The following RNGTT variants were observed in gnomAD, a reference collection of about 807,000 sequenced individuals.
The protein encoded by RNGTT is RNA guanylyltransferase and 5'-phosphatase.
A neutral mutation model predicts 79.3 loss-of-function variants in RNGTT; 33 were observed. That is an observed-to-expected ratio of 0.42 (90% CI 0.32 to 0.56). The LOEUF (loss-of-function observed/expected upper bound fraction) is 0.56. Among genes scored for constraint, RNGTT ranks in the 20% least tolerant of loss-of-function variants. The pLI, the probability that RNGTT is intolerant of heterozygous loss-of-function variation, is 0.17. For missense variants in RNGTT, 497 were observed against 739.1 expected (o/e 0.67, Z 3.80); for synonymous variants, 222 against 235.9 (o/e 0.94, Z 0.54).
At chr6:88,896,721 C>T (rs529829194) in intron 6 of RNGTT, among the ~76,000 whole-genome samples, 18 of 152,228 alleles carry the variant, frequency 1.2e-4, no homozygotes, top group African/African-American at 4.3e-4. Flanking sequence ...TTATTTTCTG[C>T]TGTTTACAGT....
intron 13 of RNGTT, among the ~76,000 whole-genome samples, chr6:88,735,462 T>C (rs537196116): frequency 6.6e-6 from 1 of 152,020 alleles, no homozygotes; most frequent in South Asian, 2.1e-4. Flanking sequence ...TTAAGGTTTT[T>C]TTCAGATGAT....
At chr6:88,802,450 T>C (rs1454690378) in intron 11 of RNGTT, among the ~76,000 whole-genome samples, 1 of 152,222 alleles carries the variant, frequency 6.6e-6, no homozygotes, top group African/African-American at 2.4e-5. Context: ...CAGATTTTTA[T>C]TATTTTGAAG....
intron 14 of RNGTT, among the ~76,000 whole-genome samples, chr6:88,623,758 A>G (rs981888520): frequency 6.6e-6 from 1 of 152,046 alleles, no homozygotes; most frequent in Non-Finnish European, 1.5e-5. Flanking sequence ...TAAAAGACCT[A>G]CCGGTTGAAA....
chr6:88,633,102 A>T (rs1772964552), intron 14 of RNGTT, among the ~76,000 whole-genome samples: 1 of 152,178 alleles, frequency 6.6e-6, no homozygotes, highest in African/African-American at 2.4e-5. Flanking sequence ...GTTTTGTCAA[A>T]TCCTGAAATA....
chr6:88,797,884 A>C (rs1290061402), intron 12 of RNGTT, among the ~76,000 whole-genome samples: 1 of 151,604 alleles, frequency 6.6e-6, no homozygotes, highest in Non-Finnish European at 1.5e-5. Context: ...GATTATGTAT[A>C]AAATACAAAA....
At chr6:88,872,322 C>A (rs56074053) in intron 8 of RNGTT, among the ~76,000 whole-genome samples, 6,234 of 152,118 alleles carry the variant, frequency 0.041, 188 homozygotes, top group African/African-American at 0.076. Context: ...CAACCATACA[C>A]ATGAGCTTGG....
intron 12 of RNGTT, among the ~76,000 whole-genome samples, chr6:88,780,038 A>T (rs1263976764): frequency 6.6e-6 from 1 of 152,198 alleles, no homozygotes; most frequent in Non-Finnish European, 1.5e-5. Flanking sequence ...GTATTTTAAG[A>T]ATACTGTAGC....
chr6:88,867,658 T>C (rs1782219306), intron 8 of RNGTT, among the ~76,000 whole-genome samples: 1 of 152,186 alleles, frequency 6.6e-6, no homozygotes, highest in African/African-American at 2.4e-5. Flanking sequence ...ATGTGCTTGT[T>C]TTGATCCTAA....
intron 13 of RNGTT, among the ~76,000 whole-genome samples, chr6:88,761,979 T>C (rs1022821431): frequency 4.0e-5 from 6 of 148,238 alleles, no homozygotes; most frequent in African/African-American, 1.5e-4. Flanking sequence ...AAAAGAAAAA[T>C]CTAATAAAAA....
At chr6:88,862,445 G>A (rs1443829097) in intron 8 of RNGTT, among the ~76,000 whole-genome samples, 3 of 152,186 alleles carry the variant, frequency 2.0e-5, no homozygotes, top group African/African-American at 7.2e-5. Context: ...CAGGGTGGAC[G>A]TGAAAGCTCT....
chr6:88,908,055 T>C (rs533635318), intron 4 of RNGTT, among the ~76,000 whole-genome samples: 1 of 152,282 alleles, frequency 6.6e-6, no homozygotes, highest in South Asian at 2.1e-4. Context: ...AATATTACCT[T>C]CTACAAATTA....
chr6:88,753,682 T>G (rs1777913939), intron 13 of RNGTT, among the ~76,000 whole-genome samples: 1 of 151,880 alleles, frequency 6.6e-6, no homozygotes, highest in Non-Finnish European at 1.5e-5. Flanking sequence ...ATGATTTAAA[T>G]AATTGTTAAA....
chr6:88,740,057 A>C (rs926627057), intron 13 of RNGTT, among the ~76,000 whole-genome samples: 1 of 152,012 alleles, frequency 6.6e-6, no homozygotes, highest in Non-Finnish European at 1.5e-5. Context: ...AATTTTTCCT[A>C]AAATCACAAT....
intron 8 of RNGTT, among the ~76,000 whole-genome samples, chr6:88,887,594 T>A (rs1782909171): frequency 6.6e-6 from 1 of 152,186 alleles, no homozygotes; most frequent in Admixed American, 6.5e-5. Flanking sequence ...AATTAGATAT[T>A]TCCATTAGCA....
intron 14 of RNGTT, among the ~76,000 whole-genome samples, chr6:88,649,077 T>C (rs1042174162): frequency 2.0e-5 from 3 of 152,216 alleles, no homozygotes; most frequent in African/African-American, 7.2e-5. Context: ...GGAAAAAAAC[T>C]TGGCTTTGTT....
intron 1 of RNGTT, among the ~76,000 whole-genome samples, chr6:88,960,965 T>C (rs2127968227): frequency 6.6e-6 from 1 of 152,346 alleles, no homozygotes; most frequent in South Asian, 2.1e-4. Context: ...TCGATTGGAT[T>C]GAAGGATGCA....
intron 13 of RNGTT, among the ~76,000 whole-genome samples, chr6:88,689,183 T>C (rs1407052862): frequency 1.3e-5 from 2 of 152,198 alleles, no homozygotes; most frequent in African/African-American, 4.8e-5. Context: ...GGCTCACATC[T>C]ATAATCCCAG....
In RNGTT at chr6:88,612,785, A is replaced by C. The variant is rs140464652; in HGVS notation, c.1728T>G (p.His576Gln). The C allele has an allele frequency of 1.0e-3, 1,607 of 1,613,328 alleles. No homozygotes were observed. The highest frequency in any genetic ancestry group is 1.2e-3 in the Non-Finnish European group (1,432 of 1,179,908). ...TAASQGQKRK[H>Q]HLDPDTELMP... is the part of the protein sequence containing the mutation. Reference sequence around the variant, plus strand: ...TGAGCTCCGTGTCAGGGTCCAGATGATGTTTTCGCTTCTGTCCTTGAGAAG... The same window carrying C: ...TGAGCTCCGTGTCAGGGTCCAGATGCTGTTTTCGCTTCTGTCCTTGAGAAG... The change falls in exon 16 of 16, where the codon CAT becomes CAG. Residue 576 changes from histidine to glutamine, a missense_variant. Coordinates refer to ENST00000369485, the MANE Select transcript of RNGTT (RefSeq NM_003800.5).
intron 1 of RNGTT, among the ~76,000 whole-genome samples, chr6:88,942,986 T>C (rs1784897944): frequency 1.3e-5 from 2 of 152,204 alleles, no homozygotes; most frequent in Non-Finnish European, 2.9e-5. Flanking sequence ...CAGTCTACTT[T>C]AGTGGCTCCC....
Sources: allele counts gnomAD v4.1 joint callset (sites outside exome capture counted in the v4.1 genomes callset), GRCh38; gene constraint gnomAD v4.1.1; transcripts MANE v1.5; gene names NCBI Gene and HGNC (gene_info 2026-07-23, HGNC 2026-07-21).